Variants in PTPRZ1 observed in about 807,000 individuals in gnomAD.
PTPRZ1 encodes the protein protein tyrosine phosphatase receptor type Z1.
PTPRZ1 carries 82 observed loss-of-function variants against 214.1 expected under a neutral mutation model. The observed-to-expected ratio is 0.38, with a 90% CI of 0.32 to 0.46. PTPRZ1 has a LOEUF of 0.46. Among genes scored for constraint, PTPRZ1 ranks in the 20% least tolerant of loss-of-function variants. The pLI is 1.00. For missense variants in PTPRZ1, 2,603 were observed against 2,748.7 expected, an observed-to-expected ratio of 0.95 and a Z score of 1.19; for synonymous variants, 945 against 987.9, an observed-to-expected ratio of 0.96 and a Z score of 0.81.
chr7:121,970,222 T>C (rs1402438234), intron 3 of PTPRZ1, among the ~76,000 whole-genome samples: 1 of 152,172 alleles, frequency 6.6e-6, no homozygotes, highest in African/African-American at 2.4e-5. Flanking sequence ...TTGGATTGGT[T>C]CCAAGTCTTT....
chr7:121,899,062 C>T (rs1372275676), intron 1 of PTPRZ1, among the ~76,000 whole-genome samples: 1 of 152,082 alleles, frequency 6.6e-6, no homozygotes, highest in Admixed American at 6.6e-5. Flanking sequence ...TCACTGCTTT[C>T]TTTTCCATCT....
At position 122,059,777 on chromosome 7, in the gene PTPRZ1, T is replaced by C; in HGVS notation, c.6696T>C (p.Thr2232=). The C allele has an allele frequency of 6.2e-7, 1 of 1,612,590 alleles. No homozygotes were observed. The highest frequency in any genetic ancestry group is 8.5e-7 in the Non-Finnish European group (1 of 1,179,422). Residue 2232 remains threonine (T), a synonymous_variant, in exon 29 of 30, where the codon ACT becomes ACC. Transcript: ENST00000393386. ...GGCATGGAGGAGTGACGGCAGGAAC[T>C]TTCTGTGCTCTGACAACCCTTATGC... ...HDEHGGVTAG[T]FCALTTLMHQ...
chr7:122,044,524 A>G lies in PTPRZ1; in HGVS notation c.6040A>G (p.Ile2014Val), dbSNP rs1182701090. ...TCATGCCTATGTTAATGCACTCCTC[A>G]TTCCTGGACCAGCAGGCAAAACAAA... ...HIHAYVNALLIPGPAGKTKLE... is the reference protein window; with the variant it reads ...HIHAYVNALLVPGPAGKTKLE... The change falls in exon 23 of 30, where the codon ATT becomes GTT. Residue 2014 changes from isoleucine (I) to valine (V), a missense_variant. Ile to Val is a conservative substitution (Grantham distance 29). Transcript: ENST00000393386. 3 of 1,613,914 alleles carry G rather than the reference A, an allele frequency of 1.9e-6. No homozygotes were observed. The highest frequency in any genetic ancestry group is 1.3e-5 in the African/African-American group (1 of 75,032).
At position 122,040,899 on chromosome 7, in the gene PTPRZ1, C is replaced by T; in HGVS notation, c.5721C>T (p.Tyr1907=). ...GGCCTGACATGGGAGTACCAGAGTA[C>T]TCCCTGCCAGTGCTGACCTTTGTGA... ...TQWPDMGVPE[Y]SLPVLTFVRK... The change falls in exon 21 of 30, where the codon TAC becomes TAT. Residue 1907 remains tyrosine, a synonymous_variant. Transcript: ENST00000393386. 1.2e-6 allele frequency: 2 copies of T among 1,607,324 alleles called. No individual in the cohort carries two copies. Among genetic ancestry groups the T allele is most frequent in the Non-Finnish European group, 1.7e-6 (2 of 1,174,868 alleles).
chr7:121,970,300 C>A (rs1797197991), intron 3 of PTPRZ1, among the ~76,000 whole-genome samples: 1 of 152,078 alleles, frequency 6.6e-6, no homozygotes, highest in African/African-American at 2.4e-5. Context: ...GATTTATATT[C>A]CTTTGGGTAT....
intron 1 of PTPRZ1, among the ~76,000 whole-genome samples, chr7:121,894,948 T>G (rs140993025): frequency 6.6e-6 from 1 of 152,308 alleles, no homozygotes; most frequent in Non-Finnish European, 1.5e-5. Context: ...ACGCTAAATG[T>G]CATCATAGTT....
chr7:122,012,970 A>G lies in PTPRZ1; in HGVS notation c.3924A>G (p.Gly1308=), dbSNP rs1472198218. ...LEINQAHPPK[G]RHVFATPVLS... ...TTAACCAGGCCCATCCCCCAAAAGG[A>G]AGGCATGTATTTGCTACACCTGTTT... The change falls in exon 12 of 30, where the codon GGA becomes GGG. Residue 1308 remains glycine, a synonymous_variant. Transcript: ENST00000393386. 1 of 1,614,134 alleles carries G rather than the reference A, an allele frequency of 6.2e-7. No individual in the cohort carries two copies. The highest frequency in any genetic ancestry group is 2.2e-5 in the East Asian group (1 of 44,882).
At chr7:121,900,882 A>G (rs950257589) in intron 1 of PTPRZ1, among the ~76,000 whole-genome samples, 2 of 152,210 alleles carry the variant, frequency 1.3e-5, no homozygotes, top group Non-Finnish European at 2.9e-5. Flanking sequence ...TACATGAACG[A>G]TGTGCCAATC....
At chr7:122,060,684 G>A (rs146548896) in intron 29 of PTPRZ1, among the ~76,000 whole-genome samples, 46 of 152,280 alleles carry the variant, frequency 3.0e-4, no homozygotes, top group African/African-American at 7.2e-4. Context: ...AGATCTTTCC[G>A]TAAAGAGGCA....
chr7:122,012,844 T>A lies in PTPRZ1; in HGVS notation c.3798T>A (p.Ser1266Arg), dbSNP rs1798719864. ...SLQGLTISYA[S>R]EKYEPVLLKS... ...AAGGTTTGACCATTTCCTATGCAAGTGAGAAATATGAACCAGTTTTGTTAA... is the reference window on the plus strand; with the variant it reads ...AAGGTTTGACCATTTCCTATGCAAGAGAGAAATATGAACCAGTTTTGTTAA... Residue 1266 changes from serine to arginine, a missense_variant, in exon 12 of 30, where the codon AGT (serine) becomes AGA (arginine). Physicochemically the swap from Ser to Arg is moderately radical, Grantham distance 110. Coordinates refer to ENST00000393386, the MANE Select transcript of PTPRZ1 (RefSeq NM_002851.3). The A allele has an allele frequency of 1.9e-6, 3 of 1,613,192 alleles. No individual in the cohort carries two copies. Among genetic ancestry groups the A allele is most frequent in the Non-Finnish European group, 2.5e-6 (3 of 1,179,278 alleles).
intron 1 of PTPRZ1, among the ~76,000 whole-genome samples, chr7:121,906,921 A>G (rs1283641203): frequency 1.3e-5 from 2 of 151,890 alleles, no homozygotes; most frequent in Non-Finnish European, 2.9e-5. Flanking sequence ...TTACATTTTA[A>G]AGATGACAGT....
At chr7:122,046,052 G>T (rs913693000) in intron 23 of PTPRZ1, among the ~76,000 whole-genome samples, 1 of 152,080 alleles carries the variant, frequency 6.6e-6, no homozygotes, top group Non-Finnish European at 1.5e-5. Context: ...TTATTAGGGC[G>T]CAAACAAGAA....
At position 122,010,717 on chromosome 7, in the gene PTPRZ1, A is replaced by G; in HGVS notation, c.1671A>G (p.Ala557=). 2 of 1,614,038 alleles carry G rather than the reference A, an allele frequency of 1.2e-6. No individual in the cohort carries two copies. The highest frequency in any genetic ancestry group is 1.7e-6 in the Non-Finnish European group (2 of 1,179,972). Reference sequence around the variant, plus strand: ...CACATATGAACTTGTCGGGGACTGCAGAATCCTTAAATACAGTTTCTATAA... The same window carrying G: ...CACATATGAACTTGTCGGGGACTGCGGAATCCTTAAATACAGTTTCTATAA... ...RSPHMNLSGT[A]ESLNTVSITE... The change falls in exon 12 of 30, where the codon GCA becomes GCG. Residue 557 remains alanine, a synonymous_variant. Coordinates refer to ENST00000393386, the MANE Select transcript of PTPRZ1 (RefSeq NM_002851.3).
intron 8 of PTPRZ1, among the ~76,000 whole-genome samples, chr7:121,995,053 C>T (rs566959117): frequency 1.4e-4 from 21 of 152,188 alleles, no homozygotes; most frequent in African/African-American, 4.1e-4. Context: ...TATGCTATGC[C>T]ATTGCTATCA....
intron 12 of PTPRZ1, 112 bp downstream of exon 12, chr7:122,014,001 T>A (rs971717555): frequency 3.4e-6 from 3 of 883,576 alleles, no homozygotes; most frequent in Non-Finnish European, 5.0e-6. Flanking sequence ...TCATCATTTT[T>A]AAAATCAAAA....
At chr7:121,899,951 A>G (rs1411484704) in intron 1 of PTPRZ1, among the ~76,000 whole-genome samples, 2 of 152,198 alleles carry the variant, frequency 1.3e-5, no homozygotes, top group Non-Finnish European at 2.9e-5. Flanking sequence ...GGGGCCTGCA[A>G]AGCTATTGGA....
chr7:122,019,823 T>C (rs972891775), intron 13 of PTPRZ1, among the ~76,000 whole-genome samples: 2 of 152,192 alleles, frequency 1.3e-5, no homozygotes, highest in Non-Finnish European at 2.9e-5. Flanking sequence ...GGATGAAATA[T>C]AGCTTCGCTG....
At chr7:122,046,887 G>A (rs552000680) in intron 23 of PTPRZ1, among the ~76,000 whole-genome samples, 61 of 152,180 alleles carry the variant, frequency 4.0e-4, no homozygotes, top group Non-Finnish European at 7.5e-4. Context: ...TTGAAGCCTC[G>A]GAATTGGATA....
At chr7:122,045,713 CA>C (rs1403834104) in intron 23 of PTPRZ1, among the ~76,000 whole-genome samples, 3 of 150,594 alleles carry the variant, frequency 2.0e-5, no homozygotes, top group Non-Finnish European at 4.4e-5. Flanking sequence ...CACACACACA[CA>C]ATATTACCCA....
Sources: gnomAD v4.1 joint callset for allele counts (sites outside exome capture counted in the v4.1 genomes callset) on GRCh38, gnomAD v4.1.1 for gene constraint, MANE v1.5 for transcripts, NCBI Gene and HGNC (gene_info 2026-07-23, HGNC 2026-07-21) for gene names.